Variants in MLLT3 observed in about 807,000 individuals in gnomAD.
The protein encoded by MLLT3 is MLLT3 super elongation complex subunit, also known as protein AF-9.
MLLT3 carries 4 observed loss-of-function variants against 53.2 expected under a neutral mutation model. The ratio of observed to expected loss-of-function variants is 0.08; its 90% confidence interval spans 0.04 to 0.17. The LOEUF (loss-of-function observed/expected upper bound fraction) is 0.17, where lower values mean the gene tolerates loss of function less well. Ranked by LOEUF, MLLT3 falls within the 10% of genes least tolerant of loss-of-function variation. The pLI, the probability that MLLT3 is intolerant of heterozygous loss-of-function variation, is 1.00. For synonymous variants in MLLT3, 283 were observed against 230.6 expected, an observed-to-expected ratio of 1.23 and a Z score of -2.06; for missense variants, 569 against 684.0, an observed-to-expected ratio of 0.83 and a Z score of 1.87.
At chr9:20,422,801 A>G (rs1038737448) in intron 4 of MLLT3, among the ~76,000 whole-genome samples, 6 of 152,186 alleles carry the variant, frequency 3.9e-5, no homozygotes, top group African/African-American at 1.4e-4. Flanking sequence ...TTAACTAATC[A>G]CTTTAGGAAG....
intron 2 of MLLT3, among the ~76,000 whole-genome samples, chr9:20,492,257 A>G (rs893061255): frequency 5.3e-5 from 8 of 152,048 alleles, no homozygotes; most frequent in Non-Finnish European, 1.2e-4. Flanking sequence ...AAAGGCTGAT[A>G]GCATACTAGT....
intron 2 of MLLT3, among the ~76,000 whole-genome samples, chr9:20,485,370 G>C (rs1824782742): frequency 6.6e-6 from 1 of 152,144 alleles, no homozygotes; most frequent in Non-Finnish European, 1.5e-5. Flanking sequence ...TAAAATATCT[G>C]TTTTGTTAAA....
chr9:20,444,630 T>G (rs1425037698), intron 4 of MLLT3, among the ~76,000 whole-genome samples: 2 of 152,114 alleles, frequency 1.3e-5, no homozygotes, highest in Non-Finnish European at 2.9e-5. Flanking sequence ...TAGAGCACTT[T>G]AGGAGGCCGA....
intron 10 of MLLT3, among the ~76,000 whole-genome samples, chr9:20,347,848 A>C (rs1220384120): frequency 2.0e-5 from 3 of 152,246 alleles, no homozygotes; most frequent in African/African-American, 7.2e-5. Flanking sequence ...TGAGCCTATC[A>C]TTTATTTAAT....
At chr9:20,439,216 C>T (rs1328617066) in intron 4 of MLLT3, among the ~76,000 whole-genome samples, 2 of 151,828 alleles carry the variant, frequency 1.3e-5, no homozygotes, top group South Asian at 2.1e-4. Flanking sequence ...ATCAGCTGGA[C>T]GTGGTGGCGT....
chr9:20,480,494 A>C (rs1824634435), intron 2 of MLLT3, among the ~76,000 whole-genome samples: 1 of 152,210 alleles, frequency 6.6e-6, no homozygotes, highest in East Asian at 1.9e-4. Flanking sequence ...CTCAACAATG[A>C]AGAACTGACA....
chr9:20,364,449 T>C (rs74459122), intron 6 of MLLT3, among the ~76,000 whole-genome samples: 2,907 of 152,312 alleles, frequency 0.019, 91 homozygotes, highest in African/African-American at 0.066. Context: ...AGTTTTAATC[T>C]TAACAGAAGA....
intron 2 of MLLT3, among the ~76,000 whole-genome samples, chr9:20,551,097 G>C (rs1818915812): frequency 6.6e-6 from 1 of 152,054 alleles, no homozygotes; most frequent in Non-Finnish European, 1.5e-5. Flanking sequence ...ATTCGGCTGA[G>C]GAAAAAAATA....
intron 2 of MLLT3, among the ~76,000 whole-genome samples, chr9:20,498,913 T>G (rs915751269): frequency 6.6e-6 from 1 of 152,240 alleles, no homozygotes; most frequent in African/African-American, 2.4e-5. Context: ...CTAGGGCTAT[T>G]GTAACAAAAT....
intron 8 of MLLT3, among the ~76,000 whole-genome samples, chr9:20,357,189 A>C (rs1445805019): frequency 6.6e-6 from 1 of 152,200 alleles, no homozygotes; most frequent in Non-Finnish European, 1.5e-5. Flanking sequence ...TAGGTGATTT[A>C]TGATATTCTG....
intron 5 of MLLT3, among the ~76,000 whole-genome samples, chr9:20,392,539 A>C (rs1044767040): frequency 7.9e-5 from 12 of 152,156 alleles, no homozygotes; most frequent in African/African-American, 2.9e-4. Flanking sequence ...TAATTACTTA[A>C]TTTTAAATGA....
intron 8 of MLLT3, among the ~76,000 whole-genome samples, chr9:20,355,584 T>G (rs985207350): frequency 6.6e-6 from 1 of 152,236 alleles, no homozygotes; most frequent in Non-Finnish European, 1.5e-5. Context: ...ATTTAATAAA[T>G]GCAGCTGATT....
At chr9:20,398,059 AT>A (rs1307196168) in intron 5 of MLLT3, among the ~76,000 whole-genome samples, 1 of 151,824 alleles carries the variant, frequency 6.6e-6, no homozygotes, top group African/African-American at 2.4e-5. Flanking sequence ...TATCTTTTGC[AT>A]TTTTTCATTC....
chr9:20,431,890 C>T (rs1486987938), intron 4 of MLLT3, among the ~76,000 whole-genome samples: 1 of 152,038 alleles, frequency 6.6e-6, no homozygotes, highest in Non-Finnish European at 1.5e-5. Context: ...TACTATTATA[C>T]CATTTTCATA....
chr9:20,420,119 T>C (rs895589799), intron 4 of MLLT3, among the ~76,000 whole-genome samples: 29 of 152,056 alleles, frequency 1.9e-4, no homozygotes, highest in Non-Finnish European at 3.5e-4. Flanking sequence ...ATTTATTAAA[T>C]GGAAAAGTGC....
intron 2 of MLLT3, among the ~76,000 whole-genome samples, chr9:20,589,089 A>C (rs1487817828): frequency 6.6e-6 from 1 of 150,696 alleles, no homozygotes; most frequent in Non-Finnish European, 1.5e-5. Context: ...TACTGGGTAT[A>C]TACCCAAAGG....
intron 2 of MLLT3, among the ~76,000 whole-genome samples, chr9:20,513,889 G>A (rs1163390795): frequency 6.6e-6 from 1 of 152,214 alleles, no homozygotes; most frequent in Non-Finnish European, 1.5e-5. Context: ...TTGGTGCCTG[G>A]GCACCAGTTT....
intron 8 of MLLT3, among the ~76,000 whole-genome samples, chr9:20,359,371 G>C (rs372400364): frequency 6.6e-6 from 1 of 152,090 alleles, no homozygotes; most frequent in Non-Finnish European, 1.5e-5. Flanking sequence ...GGTAAAAGAC[G>C]GCTGGGCCAT....
chr9:20,387,475 C>T (rs560203479), intron 5 of MLLT3, among the ~76,000 whole-genome samples: 1 of 152,090 alleles, frequency 6.6e-6, no homozygotes, highest in Non-Finnish European at 1.5e-5. Context: ...TTTTTGCGGT[C>T]GTGGAGGGGA....
Sources: allele counts gnomAD v4.1 joint callset (sites outside exome capture counted in the v4.1 genomes callset), GRCh38; gene constraint gnomAD v4.1.1; transcripts MANE v1.5; gene names NCBI Gene and HGNC (gene_info 2026-07-23, HGNC 2026-07-21).